The following GRM7 variants were observed in gnomAD, a reference collection of about 807,000 sequenced individuals.
The protein encoded by GRM7 is glutamate metabotropic receptor 7.
A neutral mutation model predicts 84.5 loss-of-function variants in GRM7; 35 were observed. That is an observed-to-expected ratio of 0.41 (90% CI 0.32 to 0.55). The LOEUF is 0.55. Among genes scored for constraint, GRM7 ranks in the 20% least tolerant of loss-of-function variants. The pLI is 0.19. For synonymous variants in GRM7, 487 were observed against 455.1 expected (o/e 1.07, Z -0.89); for missense variants, 1,003 against 1,194.6 (o/e 0.84, Z 2.36).
At chr3:7,721,277 G>A (rs1290224362) in intron 9 of GRM7, among the ~76,000 whole-genome samples, 1 of 152,192 alleles carries the variant, frequency 6.6e-6, no homozygotes, top group Non-Finnish European at 1.5e-5. Context: ...TGGTCAAATT[G>A]TATAAGGTAG....
At chr3:6,942,538 C>T (rs1347881657) in intron 1 of GRM7, among the ~76,000 whole-genome samples, 1 of 152,054 alleles carries the variant, frequency 6.6e-6, no homozygotes, top group Non-Finnish European at 1.5e-5. Context: ...TGAGATTTGT[C>T]CATGTTATTG....
At chr3:6,998,727 C>T (rs1559375818) in intron 1 of GRM7, among the ~76,000 whole-genome samples, 2 of 152,228 alleles carry the variant, frequency 1.3e-5, no homozygotes, top group Non-Finnish European at 2.9e-5. Flanking sequence ...CACATGAAAG[C>T]TGCCAAGGCT....
At chr3:7,201,248 G>A (rs531725729) in intron 2 of GRM7, among the ~76,000 whole-genome samples, 10 of 151,950 alleles carry the variant, frequency 6.6e-5, no homozygotes, top group Admixed American at 2.0e-4. Context: ...AGAATATTGA[G>A]TTTCAGGGAG....
chr3:7,277,098 A>G (rs1389175681), intron 2 of GRM7, among the ~76,000 whole-genome samples: 2 of 151,954 alleles, frequency 1.3e-5, no homozygotes, highest in Non-Finnish European at 2.9e-5. Context: ...AAATGGTTTC[A>G]GCATGGAAGA....
At chr3:7,099,167 T>C (rs1184092001) in intron 1 of GRM7, among the ~76,000 whole-genome samples, 2 of 150,296 alleles carry the variant, frequency 1.3e-5, no homozygotes, top group Non-Finnish European at 3.0e-5. Context: ...CCCAAAGAAG[T>C]TCGCAGGTTT....
chr3:7,349,961 G>A (rs1010337218), intron 4 of GRM7, among the ~76,000 whole-genome samples: 5 of 151,598 alleles, frequency 3.3e-5, no homozygotes, highest in African/African-American at 9.7e-5. Flanking sequence ...CTCTAGCACC[G>A]CTTTTGAATC....
intron 1 of GRM7, among the ~76,000 whole-genome samples, chr3:6,942,514 C>T (rs1697927419): frequency 6.6e-6 from 1 of 152,060 alleles, no homozygotes; most frequent in South Asian, 2.1e-4. Context: ...TTCCATTACT[C>T]AGCATAATAA....
intron 2 of GRM7, among the ~76,000 whole-genome samples, chr3:7,256,283 T>G (rs1038114694): frequency 6.6e-6 from 1 of 152,338 alleles, no homozygotes; most frequent in Non-Finnish European, 1.5e-5. Flanking sequence ...CTATAGAGGA[T>G]TGTATTTTTC....
At chr3:7,099,598 G>A (rs559179216) in intron 1 of GRM7, among the ~76,000 whole-genome samples, 169 of 133,456 alleles carry the variant, frequency 1.3e-3, no homozygotes, top group Admixed American at 5.6e-3. Flanking sequence ...ATATGTACAC[G>A]CATTATACAT....
intron 1 of GRM7, among the ~76,000 whole-genome samples, chr3:6,953,757 T>C (rs1014218736): frequency 6.6e-6 from 1 of 152,236 alleles, no homozygotes; most frequent in African/African-American, 2.4e-5. Context: ...GAAGTAGACC[T>C]GCTTGGCTCC....
At chr3:7,694,397 C>CTAT (rs1700937340) in intron 9 of GRM7, 1 of 952,986 alleles carries the variant, frequency 1.0e-6, no homozygotes, top group Non-Finnish European at 1.2e-6. Flanking sequence ...TGATATTCTT[C>CTAT]TATTTGGTCT....
intron 1 of GRM7, among the ~76,000 whole-genome samples, chr3:6,877,863 T>C (rs1466153388): frequency 2.0e-5 from 3 of 150,182 alleles, no homozygotes; most frequent in East Asian, 3.9e-4. Context: ...ATATGACTTC[T>C]GCTAGTAAAT....
intron 4 of GRM7, among the ~76,000 whole-genome samples, chr3:7,333,950 A>G (rs73132239): frequency 0.039 from 5,981 of 151,984 alleles, 247 homozygotes; most frequent in African/African-American, 0.11. Context: ...CAAAGCCCCT[A>G]AGAAATTTGG....
chr3:6,889,970 C>G lies in GRM7; in HGVS notation c.519+28063C>G, dbSNP rs374919697. ...CCTGGTTTAGTCTTGGGAGGGTGTA[C>G]GTGTCGAGGAATTTATCCATTTCTT... On this transcript the variant is annotated intron_variant, in intron 1 of 9. Transcript: ENST00000357716. Among the ~76,000 whole-genome samples the G allele has an allele frequency of 2.6e-5, 4 of 152,048 alleles. No individual in the cohort carries two copies. The South Asian group carries it at 6.2e-4, about 24-fold the overall frequency.
intron 4 of GRM7, among the ~76,000 whole-genome samples, chr3:7,325,052 G>A (rs1700932704): frequency 6.6e-6 from 1 of 152,134 alleles, no homozygotes; most frequent in African/African-American, 2.4e-5. Flanking sequence ...CGCCAGGATG[G>A]GAGAAGAGAC....
intron 4 of GRM7, among the ~76,000 whole-genome samples, chr3:7,362,249 A>G (rs1693695341): frequency 6.6e-6 from 1 of 152,056 alleles, no homozygotes; most frequent in Non-Finnish European, 1.5e-5. Flanking sequence ...TCAGCACTCC[A>G]GTAAGAGAGG....
At chr3:7,218,431 T>C (rs1352854906) in intron 2 of GRM7, among the ~76,000 whole-genome samples, 3 of 152,112 alleles carry the variant, frequency 2.0e-5, no homozygotes, top group South Asian at 2.1e-4. Flanking sequence ...GCCCATGTTT[T>C]ATTTTTATTT....
rs898465485 is a variant in GRM7, at chr3:6,928,645, A to C, written c.519+66738A>C. On this transcript the variant is annotated intron_variant, in intron 1 of 9. Transcript: ENST00000357716. The surrounding 1 kb of genome is among the most constrained non-coding windows in gnomAD (Gnocchi z 4.5). ...TTATAGCCCAGATTTTGCCAGGCAA[A>C]CAACTTGATAGAATCAATAGAAGCT... Among the ~76,000 whole-genome samples the C allele has an allele frequency of 9.2e-5, 14 of 152,302 alleles. No homozygotes were observed. Among genetic ancestry groups the C allele is most frequent in the African/African-American group, 3.4e-4 (14 of 41,566 alleles).
Position 7,205,757 on chromosome 3 carries a change from C to T in GRM7, c.736+59089C>T, listed in dbSNP as rs78847882. 3.8e-3 allele frequency among the ~76,000 whole-genome samples: 585 copies of T among 152,228 alleles called. 13 individuals carry two copies. In the East Asian group the frequency reaches 0.044, roughly 11 times the overall value. On this transcript the variant is annotated intron_variant, in intron 2 of 9. Coordinates refer to ENST00000357716, the MANE Select transcript of GRM7 (RefSeq NM_000844.4). Reference sequence around the variant, plus strand: ...AATGCAGAAAATAACACTCATTTTACGTGTGGCTGATAAACTGGCCATAAA... The same window carrying T: ...AATGCAGAAAATAACACTCATTTTATGTGTGGCTGATAAACTGGCCATAAA...
Sources: gnomAD v4.1 joint callset for allele counts (sites outside exome capture counted in the v4.1 genomes callset) on GRCh38, gnomAD v4.1.1 for gene constraint, Gnocchi (gnomAD v3.1) non-coding constraint, MANE v1.5 for transcripts, NCBI Gene and HGNC (gene_info 2026-07-23, HGNC 2026-07-21) for gene names.